GALNT13: variants seen among roughly 807,000 people sequenced by gnomAD.
The protein encoded by GALNT13 is polypeptide N-acetylgalactosaminyltransferase 13.
A neutral mutation model predicts 64.2 loss-of-function variants in GALNT13; 28 were observed. The observed-to-expected ratio is 0.44, with a 90% CI of 0.32 to 0.60. The LOEUF is 0.60. Ranked by LOEUF, GALNT13 falls within the 20% of genes least tolerant of loss-of-function variation. The pLI, the probability that GALNT13 is intolerant of heterozygous loss-of-function variation, is 0.05. For synonymous variants in GALNT13, 214 were observed against 224.6 expected, an observed-to-expected ratio of 0.95 and a Z score of 0.42; for missense variants, 577 against 669.8, an observed-to-expected ratio of 0.86 and a Z score of 1.53.
the GALNT13 span, among the ~76,000 whole-genome samples, chr2:153,398,915 C>T: frequency 8.3e-6 from 1 of 120,768 alleles, no homozygotes; most frequent in Non-Finnish European, 1.7e-5. Context: ...TGTGCAGAAG[C>T]TCTTTAGTTT....
the GALNT13 span, among the ~76,000 whole-genome samples, chr2:153,328,221 T>G: frequency 6.6e-6 from 1 of 152,146 alleles, no homozygotes; most frequent in African/African-American, 2.4e-5. Context: ...AGAGGTCTCC[T>G]TTATGAGGTG....
the GALNT13 span, among the ~76,000 whole-genome samples, chr2:153,591,751 C>G: frequency 0.23 from 35,292 of 151,908 alleles, 4,789 homozygotes; most frequent in African/African-American, 0.37. Context: ...ACAGGGAAAA[C>G]TCTTCTGGAC....
the GALNT13 span, among the ~76,000 whole-genome samples, chr2:153,071,785 C>T: frequency 6.6e-6 from 1 of 152,274 alleles, no homozygotes; most frequent in South Asian, 2.1e-4. Context: ...TTTCTATAGC[C>T]TATCACCTTC....
At chr2:153,746,124 T>C in the GALNT13 span, among the ~76,000 whole-genome samples, 14,839 of 152,242 alleles carry the variant, frequency 0.097, 855 homozygotes, top group Middle Eastern at 0.15. Context: ...TGACATTTTC[T>C]GCTCATTGAA....
At chr2:153,989,797 G>C (rs997333481) in intron 3 of GALNT13, among the ~76,000 whole-genome samples, 2 of 152,036 alleles carry the variant, frequency 1.3e-5, no homozygotes, top group African/African-American at 4.8e-5. Context: ...GAAAGATATT[G>C]ATTGAAATGA....
the GALNT13 span, among the ~76,000 whole-genome samples, chr2:153,604,091 G>A: frequency 6.6e-6 from 1 of 151,980 alleles, no homozygotes; most frequent in Admixed American, 6.6e-5. Flanking sequence ...TCAAGATATT[G>A]TTAACCAGGA....
At chr2:153,327,096 AAAAAATAAATAAAT>A in the GALNT13 span, among the ~76,000 whole-genome samples, 447 of 152,216 alleles carry the variant, frequency 2.9e-3, 12 homozygotes, top group East Asian at 0.079. Context: ...AAAATAAAAA[AAAAAATAAATAAAT>A]AAAAGTTGAA....
intron 3 of GALNT13, among the ~76,000 whole-genome samples, chr2:153,956,439 T>C (rs369168594): frequency 5.9e-5 from 9 of 152,220 alleles, no homozygotes; most frequent in East Asian, 1.9e-4. Context: ...TACATTCTCC[T>C]TTACTAACTT....
the GALNT13 span, among the ~76,000 whole-genome samples, chr2:153,083,232 G>A: frequency 1.8e-4 from 27 of 152,246 alleles, no homozygotes; most frequent in African/African-American, 5.1e-4. Flanking sequence ...CCTGTAGTAG[G>A]ATTGCTGAAT....
At chr2:153,491,248 A>T in the GALNT13 span, among the ~76,000 whole-genome samples, 1 of 152,232 alleles carries the variant, frequency 6.6e-6, no homozygotes. Flanking sequence ...AATAGAATAA[A>T]AATTTAACAG....
chr2:153,100,795 G>A, the GALNT13 span, among the ~76,000 whole-genome samples: 1 of 152,176 alleles, frequency 6.6e-6, no homozygotes, highest in African/African-American at 2.4e-5. Context: ...TTGCGGGGCT[G>A]AGGCAGGGAG....
the GALNT13 span, among the ~76,000 whole-genome samples, chr2:153,614,020 A>T: frequency 1.8e-4 from 27 of 146,714 alleles, no homozygotes; most frequent in African/African-American, 3.9e-4. Flanking sequence ...ATAATAATAA[A>T]AAAAAAAGAA....
intron 4 of GALNT13, among the ~76,000 whole-genome samples, chr2:154,165,605 A>G (rs1055717681): frequency 6.6e-6 from 1 of 152,224 alleles, no homozygotes; most frequent in African/African-American, 2.4e-5. Flanking sequence ...ATTAATATTT[A>G]GAATTCTTGC....
the GALNT13 span, among the ~76,000 whole-genome samples, chr2:153,567,109 A>G: frequency 6.6e-6 from 1 of 152,318 alleles, no homozygotes; most frequent in East Asian, 1.9e-4. Flanking sequence ...TTAATGCCCA[A>G]GAAGGGCAGG....
intron 4 of GALNT13, among the ~76,000 whole-genome samples, chr2:154,234,776 A>G (rs1387201213): frequency 6.6e-6 from 1 of 152,042 alleles, no homozygotes; most frequent in African/African-American, 2.4e-5. Context: ...CATCCATTCA[A>G]CCCCTTATTA....
intron 3 of GALNT13, among the ~76,000 whole-genome samples, chr2:154,053,703 C>A (rs1390235084): frequency 6.6e-6 from 1 of 152,098 alleles, no homozygotes; most frequent in East Asian, 1.9e-4. Context: ...TCCAAATCCA[C>A]TTTGGAATGG....
At chr2:153,603,743 C>T in the GALNT13 span, among the ~76,000 whole-genome samples, 3 of 151,908 alleles carry the variant, frequency 2.0e-5, no homozygotes, top group African/African-American at 7.2e-5. Flanking sequence ...TTGGACAATG[C>T]AAGTTCAACA....
the GALNT13 span, among the ~76,000 whole-genome samples, chr2:153,428,354 G>A: frequency 6.6e-6 from 1 of 152,050 alleles, no homozygotes; most frequent in African/African-American, 2.4e-5. Flanking sequence ...GAGCAAGCAA[G>A]GAGTTGGACA....
At chr2:154,329,186 A>G (rs1486588431) in intron 9 of GALNT13, among the ~76,000 whole-genome samples, 5 of 151,770 alleles carry the variant, frequency 3.3e-5, no homozygotes, top group Non-Finnish European at 1.5e-5. Flanking sequence ...GCTCACTACA[A>G]CCTCTGCCTC....
Sources: allele counts gnomAD v4.1 joint callset (sites outside exome capture counted in the v4.1 genomes callset), GRCh38; gene constraint gnomAD v4.1.1; transcripts MANE v1.5; gene names NCBI Gene and HGNC (gene_info 2026-07-23, HGNC 2026-07-21).